FER1L6: variants seen among roughly 807,000 people sequenced by gnomAD.
The protein encoded by FER1L6 is fer-1-like protein 6.
FER1L6 carries 177 observed loss-of-function variants against 219.2 expected under a neutral mutation model. The ratio of observed to expected loss-of-function variants is 0.81; its 90% CI spans 0.71 to 0.91. The LOEUF (loss-of-function observed/expected upper bound fraction) is 0.91. Ranked by LOEUF, FER1L6 falls within the 40% of genes least tolerant of loss-of-function variation. FER1L6 has a pLI of 0.00. For synonymous variants in FER1L6, 768 were observed against 824.3 expected, an observed-to-expected ratio of 0.93 and a Z score of 1.17; for missense variants, 2,153 against 2,259.9, an observed-to-expected ratio of 0.95 and a Z score of 0.96.
intron 1 of FER1L6, among the ~76,000 whole-genome samples, chr8:123,925,353 T>C (rs774618079): frequency 1.3e-5 from 2 of 152,162 alleles, no homozygotes; most frequent in Non-Finnish European, 2.9e-5. Context: ...AGTAGCAGGA[T>C]AGAAGAAAAT....
intron 24 of FER1L6, among the ~76,000 whole-genome samples, chr8:124,061,608 T>G (rs1482975132): frequency 1.3e-5 from 2 of 152,164 alleles, no homozygotes; most frequent in African/African-American, 4.8e-5. Context: ...TCAGAGAGAG[T>G]GCAGAGGTGA....
intron 1 of FER1L6, among the ~76,000 whole-genome samples, chr8:123,896,442 C>G (rs1468928670): frequency 6.6e-6 from 1 of 152,170 alleles, no homozygotes; most frequent in Non-Finnish European, 1.5e-5. Flanking sequence ...ATGTGTAACT[C>G]ACAAGAAATT....
rs1563663308 is a variant in FER1L6 at position 123,855,964 on chromosome 8, GATATACATATGTATATGAGATATATGT to G, written c.-8+3846_-8+3872del. On this transcript the variant is annotated intron_variant, in intron 1 of 40. Transcript: ENST00000522917. ...TAACTAATGTAGTATATATATTACA[GATATACATATGTATATGAGATATATGT>G]ATATACATATGTATATGAGATATAT... Among the ~76,000 whole-genome samples the G allele has an allele frequency of 4.3e-3, 603 of 139,698 alleles. 3 individuals are homozygous for G. The highest frequency in any genetic ancestry group is 0.014 in the Middle Eastern group (3 of 212). 91.6% of individuals were successfully genotyped at this position (139,698 alleles called of 152,430 possible).
intron 1 of FER1L6, among the ~76,000 whole-genome samples, chr8:123,938,610 G>A (rs965126813): frequency 2.1e-5 from 3 of 144,560 alleles, no homozygotes; most frequent in African/African-American, 5.2e-5. Context: ...GCAGTGGTGC[G>A]ATCTTGGCTC....
At chr8:123,945,521 TA>T (rs1586497565) in intron 1 of FER1L6, among the ~76,000 whole-genome samples, 2 of 152,270 alleles carry the variant, frequency 1.3e-5, no homozygotes, top group East Asian at 3.8e-4. Context: ...CCTTCAGGTT[TA>T]TTTTTTTCTA....
At chr8:124,082,748 G>A (rs1295165288) in intron 33 of FER1L6, among the ~76,000 whole-genome samples, 1 of 152,174 alleles carries the variant, frequency 6.6e-6, no homozygotes, top group Admixed American at 6.5e-5. Context: ...TTGAAATAGA[G>A]TTTCCCTGGT....
At chr8:123,987,340 T>A (rs1025988074) in intron 12 of FER1L6, among the ~76,000 whole-genome samples, 8 of 152,206 alleles carry the variant, frequency 5.3e-5, no homozygotes, top group Admixed American at 5.2e-4. Flanking sequence ...GCTATTCAGA[T>A]CTTTCACCTA....
At chr8:123,995,242 G>GA in intron 12 of FER1L6, among the ~76,000 whole-genome samples, 1 of 152,160 alleles carries the variant, frequency 6.6e-6, no homozygotes, top group Non-Finnish European at 1.5e-5. Context: ...CCACCATCTT[G>GA]AAAAAACTTG....
rs1383210017 is a variant in FER1L6, at chr8:123,913,181, A to C, written c.-7-42811A>C. On this transcript the variant is annotated intron_variant, in intron 1 of 40. Coordinates refer to ENST00000522917, the MANE Select transcript of FER1L6 (RefSeq NM_001039112.2). ...GGGAAGTTATAAAAGCTTCAGAAAA[A>C]TCTTGAAAGTTATTACATTTTACTT... Among the ~76,000 whole-genome samples the C allele has an allele frequency of 3.3e-4, 50 of 152,172 alleles. 1 individual carries two copies. The highest frequency in any genetic ancestry group is 2.9e-5 in the Non-Finnish European group (2 of 68,036).
rs1040689532 is a variant in FER1L6 at position 124,010,617 on chromosome 8, A to G, written c.1724A>G (p.Glu575Gly). Residue 575 changes from glutamate to glycine, a missense_variant, in exon 14 of 41, where the codon GAG (glutamate) becomes GGG (glycine). Coordinates refer to ENST00000522917, the MANE Select transcript of FER1L6 (RefSeq NM_001039112.2). ...AGGAATTACAACTATTTGCCATTTG[A>G]GGCTAAGAAGCCCTGTGTCTATTTC... ...GNRNYNYLPF[E>G]AKKPCVYFIS... The G allele has an allele frequency of 5.6e-6, 9 of 1,614,016 alleles. No homozygotes were observed. The highest frequency in any genetic ancestry group is 5.0e-5 in the Admixed American group (3 of 60,000).
At chr8:123,958,627 T>C (rs1344252035) in intron 2 of FER1L6, among the ~76,000 whole-genome samples, 1 of 152,020 alleles carries the variant, frequency 6.6e-6, no homozygotes, top group East Asian at 1.9e-4. Flanking sequence ...TTACTCTGAT[T>C]GTACCATCTG....
At chr8:123,891,602 G>A (rs1403092712) in intron 1 of FER1L6, among the ~76,000 whole-genome samples, 3 of 152,244 alleles carry the variant, frequency 2.0e-5, no homozygotes, top group Non-Finnish European at 4.4e-5. Context: ...TCCCAAACAG[G>A]AAATCACAGT....
At chr8:123,969,867 CA>C (rs369712009) in intron 5 of FER1L6, among the ~76,000 whole-genome samples, 167 bp from the exon 6 acceptor site, 1,232 of 71,974 alleles carry the variant, frequency 0.017, 4 homozygotes, top group African/African-American at 0.032. Flanking sequence ...ACCCTGTCTC[CA>C]AAAAAAAAAA....
chr8:123,961,095 A>G (rs1338143387), intron 2 of FER1L6, among the ~76,000 whole-genome samples: 1 of 152,128 alleles, frequency 6.6e-6, no homozygotes, highest in Non-Finnish European at 1.5e-5. Context: ...TCTAAAAAAA[A>G]TATTAACAAG....
intron 1 of FER1L6, among the ~76,000 whole-genome samples, chr8:123,935,912 A>G (rs892898475): frequency 2.0e-5 from 3 of 151,304 alleles, no homozygotes; most frequent in African/African-American, 7.3e-5. Flanking sequence ...AAATGGAGAA[A>G]GTGATGAGTT....
intron 32 of FER1L6, among the ~76,000 whole-genome samples, chr8:124,081,758 T>C (rs1456271914): frequency 1.3e-5 from 2 of 152,152 alleles, no homozygotes; most frequent in Non-Finnish European, 2.9e-5. Flanking sequence ...TACTTGTTGA[T>C]AAAGCAACAA....
At chr8:123,922,396 A>G (rs542753451) in intron 1 of FER1L6, among the ~76,000 whole-genome samples, 1 of 152,348 alleles carries the variant, frequency 6.6e-6, no homozygotes, top group South Asian at 2.1e-4. Flanking sequence ...CCGACTGAGG[A>G]AAGAATCCTC....
At chr8:124,108,086 A>C (rs1822852104) in intron 39 of FER1L6, among the ~76,000 whole-genome samples, 1 of 152,176 alleles carries the variant, frequency 6.6e-6, no homozygotes, top group South Asian at 2.1e-4. Flanking sequence ...GGGGCCAAGC[A>C]CAGTGGCATG....
chr8:123,865,825 C>T (rs142049159), intron 1 of FER1L6, among the ~76,000 whole-genome samples: 16 of 151,460 alleles, frequency 1.1e-4, no homozygotes, highest in East Asian at 7.7e-4. Flanking sequence ...GGCAATGCCT[C>T]GCCCTGCTTT....
Sources: allele counts gnomAD v4.1 joint callset (sites outside exome capture counted in the v4.1 genomes callset), GRCh38; gene constraint gnomAD v4.1.1; transcripts MANE v1.5; gene names NCBI Gene and HGNC (gene_info 2026-07-23, HGNC 2026-07-21).